LTN1: variants seen among roughly 807,000 people sequenced by gnomAD.
LTN1 encodes the protein listerin E3 ubiquitin protein ligase 1.
A neutral mutation model predicts 201.2 loss-of-function variants in LTN1; 88 were observed. The ratio of observed to expected loss-of-function variants is 0.44; its 90% confidence interval spans 0.37 to 0.52. The LOEUF (loss-of-function observed/expected upper bound fraction) is 0.52. Among genes scored for constraint, LTN1 ranks in the 20% least tolerant of loss-of-function variants. The pLI, the probability that LTN1 is intolerant of heterozygous loss-of-function variation, is 0.00. For synonymous variants in LTN1, 645 were observed against 713.5 expected (o/e 0.90, Z 1.53); for missense variants, 1,752 against 2,038.7 (o/e 0.86, Z 2.71).
At chr21:28,969,188 T>A (rs1399226780) in intron 9 of LTN1, among the ~76,000 whole-genome samples, 4 of 151,544 alleles carry the variant, frequency 2.6e-5, no homozygotes, top group Non-Finnish European at 5.9e-5. Context: ...GTCATTGTAC[T>A]CCAGCCTGGG....
At chr21:28,936,862 G>C (rs2084261156) in intron 25 of LTN1, among the ~76,000 whole-genome samples, 165 bp from the exon 26 acceptor site, 1 of 152,104 alleles carries the variant, frequency 6.6e-6, no homozygotes, top group African/African-American at 2.4e-5. Context: ...TTGTCTTCCT[G>C]TATTACAATG....
In LTN1 at chr21:28,976,876, C is replaced by T. The variant is rs529235186; in HGVS notation, c.810+4243G>A. Reference sequence around the variant, plus strand: ...GGCCCAAGTGATCCTCCCACCACAACTTCCCAAGTACTTAGGACTACTAGC... The same window carrying T: ...GGCCCAAGTGATCCTCCCACCACAATTTCCCAAGTACTTAGGACTACTAGC... On this transcript the variant is annotated intron_variant, in intron 6 of 29. Coordinates refer to ENST00000361371, the MANE Select transcript of LTN1 (RefSeq NM_015565.3). Among the ~76,000 whole-genome samples the T allele has an allele frequency of 6.3e-4, 96 of 152,274 alleles. 1 individual carries two copies. In the South Asian group the frequency reaches 0.019, roughly 30 times the overall value.
intron 9 of LTN1, among the ~76,000 whole-genome samples, chr21:28,968,139 ACCTAAAGATC>A (rs1322262933): frequency 6.6e-6 from 1 of 152,240 alleles, no homozygotes; most frequent in African/African-American, 2.4e-5. Context: ...GAAAAAGTTA[ACCTAAAGATC>A]CCTTTCATAT....
intron 28 of LTN1, 110 bp from the exon 29 acceptor site, chr21:28,931,432 T>A (rs754981435): frequency 3.0e-6 from 2 of 669,064 alleles, no homozygotes; most frequent in Non-Finnish European, 5.0e-6. Context: ...GAAGAGAATC[T>A]GCTTGGCTAT....
chr21:28,980,052 C>T (rs555903443), intron 6 of LTN1, among the ~76,000 whole-genome samples: 2 of 152,268 alleles, frequency 1.3e-5, no homozygotes, highest in Non-Finnish European at 2.9e-5. Flanking sequence ...GAGTCACCCA[C>T]GTGCACATTC....
In LTN1 at chr21:28,953,379, A is replaced by C. The variant is rs772787213; in HGVS notation, c.3080-3T>G. 73 of 1,568,822 alleles carry C rather than the reference A, an allele frequency of 4.7e-5. No homozygotes were observed. The East Asian group carries it at 1.6e-3, about 35-fold the overall frequency. On this transcript the variant is annotated splice_region_variant and splice_polypyrimidine_tract_variant and intron_variant, in intron 16 of 29. Transcript: ENST00000361371. The stretch of plus-strand genomic sequence containing the variant: ...CAGTGAATAAAGCAGTTCTGCAACT[A>C]AAAGAAGAGACAGCACCAAATTATG...
At chr21:28,969,766 A>G (rs1034621640) in intron 8 of LTN1, among the ~76,000 whole-genome samples, 165 bp from the exon 9 acceptor site, 2 of 152,234 alleles carry the variant, frequency 1.3e-5, no homozygotes, top group African/African-American at 4.8e-5. Context: ...TAGCCCAATG[A>G]GAATATGAAC....
chr21:28,988,486 C>T (rs1425368263), intron 1 of LTN1, among the ~76,000 whole-genome samples: 1 of 151,388 alleles, frequency 6.6e-6, no homozygotes, highest in African/African-American at 2.4e-5. Context: ...AAAAAAATTC[C>T]TAATACCTAG....
At chr21:28,935,536 A>AT (rs1213458483) in intron 26 of LTN1, among the ~76,000 whole-genome samples, 1 of 151,782 alleles carries the variant, frequency 6.6e-6, no homozygotes, top group Admixed American at 6.6e-5. Context: ...TGGCAAAAGA[A>AT]TTTTTTTTTA....
chr21:28,966,312 A>T, intron 10 of LTN1, 58 bp downstream of exon 10: 1 of 1,340,056 alleles, frequency 7.5e-7, no homozygotes, highest in Non-Finnish European at 1.0e-6. Context: ...AACAATAAGC[A>T]GGCTCATTCT....
In LTN1 at chr21:28,932,626, A is replaced by G. The variant is rs1162798805; in HGVS notation, c.4914T>C (p.Thr1638=). ...CAATAACTATGTCCTCAATAGTATA[A>G]GTAGCCATTACCTCTCGAGTAGTAG... The part of the protein sequence containing the change: ...ARATTREVMA[T]YTIEDIVIEL... Residue 1638 remains threonine (T), a synonymous_variant, in exon 28 of 30, where the codon ACT becomes ACC. Transcript: ENST00000361371. 8.7e-6 allele frequency: 14 copies of G among 1,613,270 alleles called. No homozygotes were observed. The highest frequency in any genetic ancestry group is 1.2e-5 in the Non-Finnish European group (14 of 1,179,594).
At chr21:28,971,815 T>A (rs531948195) in intron 6 of LTN1, among the ~76,000 whole-genome samples, 1 of 152,112 alleles carries the variant, frequency 6.6e-6, no homozygotes, top group Admixed American at 6.5e-5. Context: ...GAATGATCAG[T>A]CACAAATTCT....
At position 28,954,107 on chromosome 21, in the gene LTN1, T is replaced by C. The variant is rs147231604; in HGVS notation, c.3080-731A>G. On this transcript the variant is annotated intron_variant, in intron 16 of 29. Coordinates refer to ENST00000361371, the MANE Select transcript of LTN1 (RefSeq NM_015565.3). Reference sequence around the variant, plus strand: ...AATAATATCTGACTAATGAGCTCGATAAAATTAAAGAAATAATATTGCCAA... The same window carrying C: ...AATAATATCTGACTAATGAGCTCGACAAAATTAAAGAAATAATATTGCCAA... Among the ~76,000 whole-genome samples, 181 of 152,318 alleles carry C rather than the reference T, an allele frequency of 1.2e-3. 1 individual carries two copies. Among genetic ancestry groups the C allele is most frequent in the African/African-American group, 3.6e-3 (150 of 41,576 alleles).
At chr21:28,956,990 A>T in intron 15 of LTN1, 42 bp from the exon 16 acceptor site, 1 of 1,239,030 alleles carries the variant, frequency 8.1e-7, no homozygotes. Context: ...TTTATTACCT[A>T]AGCAATTGAG....
In LTN1 at chr21:28,956,957, A is replaced by C. The variant is rs748899614; in HGVS notation, c.2893-9T>G. On this transcript the variant is annotated splice_polypyrimidine_tract_variant and intron_variant, in intron 15 of 29. Coordinates refer to ENST00000361371, the MANE Select transcript of LTN1 (RefSeq NM_015565.3). ...AGAGGTCTATGTAACCACTGTGAAAAGAATACGTTATATACAAAATTATTT... is the reference window on the plus strand; with the variant it reads ...AGAGGTCTATGTAACCACTGTGAAACGAATACGTTATATACAAAATTATTT... 3 of 1,519,726 alleles carry C rather than the reference A, an allele frequency of 2.0e-6. No homozygotes were observed. In the East Asian group the frequency reaches 6.9e-5, roughly 35 times the overall value. The allele number at this position is 1,519,726 out of a possible 1,614,324, so 94.1% of individuals were successfully genotyped here. A position where few individuals can be genotyped will look rare whatever the true frequency, so the allele number is the denominator to read the frequency against.
intron 18 of LTN1, among the ~76,000 whole-genome samples, chr21:28,951,447 T>C (rs1025415074): frequency 1.1e-4 from 16 of 152,288 alleles, no homozygotes; most frequent in African/African-American, 3.1e-4. Context: ...TTCTAGAATA[T>C]ATTTCAATAG....
At chr21:28,943,978 C>T (rs1445419156) in intron 22 of LTN1, 74 bp from the exon 23 acceptor site, 1 of 642,838 alleles carries the variant, frequency 1.6e-6, no homozygotes, top group Non-Finnish European at 2.7e-6. Flanking sequence ...CACAAACAAT[C>T]AAATGTCATT....
In LTN1 at chr21:28,986,862, C is replaced by T; in HGVS notation, c.115G>A (p.Gly39Arg). ...QGTVPGFIGF[G>R]TSQSDLGYVP... ...TAGCCTAGGTCACTCTGAGATGTTC[C>T]AAAACCAATAAATCCAGGCACTGTT... Residue 39 changes from glycine (G) to arginine (R), a missense_variant, in exon 2 of 30, where the codon GGA becomes AGA. Physicochemically the swap from Gly to Arg is moderately radical, Grantham distance 125. Coordinates refer to ENST00000361371, the MANE Select transcript of LTN1 (RefSeq NM_015565.3). This position sits in a 1 kb window ranked among gnomAD's most constrained non-coding sequence, Gnocchi z 4.1. 6.2e-7 allele frequency: 1 copy of T among 1,614,070 alleles called. No individual in the cohort carries two copies. The highest frequency in any genetic ancestry group is 8.5e-7 in the Non-Finnish European group (1 of 1,179,984).
chr21:28,988,169 A>AC (rs1555848881), intron 1 of LTN1, among the ~76,000 whole-genome samples: 3,526 of 136,550 alleles, frequency 0.026, 75 homozygotes, highest in Middle Eastern at 0.071. Flanking sequence ...ACAAAAAAAA[A>AC]CAAATTGCTC....
Sources: gnomAD v4.1 joint callset for allele counts (sites outside exome capture counted in the v4.1 genomes callset) on GRCh38, gnomAD v4.1.1 for gene constraint, Gnocchi (gnomAD v3.1) non-coding constraint, MANE v1.5 for transcripts, NCBI Gene and HGNC (gene_info 2026-07-23, HGNC 2026-07-21) for gene names.